The following CHD7 variants were observed in gnomAD, a reference collection of about 807,000 sequenced individuals.
CHD7 encodes chromodomain helicase DNA binding protein 7.
Under a neutral mutation model 307.3 loss-of-function variants are expected in CHD7, and 24 were observed. The ratio of observed to expected loss-of-function variants is 0.08; its 90% CI spans 0.06 to 0.11. The LOEUF (loss-of-function observed/expected upper bound fraction) is 0.11, where lower values mean the gene tolerates loss of function less well. Among genes scored for constraint, CHD7 ranks in the 10% least tolerant of loss-of-function variants. CHD7 has a pLI of 1.00. For missense variants in CHD7, 3,106 were observed against 3,727.1 expected, an observed-to-expected ratio of 0.83 and a Z score of 4.34; for synonymous variants, 1,363 against 1,349.9, an observed-to-expected ratio of 1.01 and a Z score of -0.21.
At chr8:60,811,525 T>C (rs980986913) in intron 7 of CHD7, among the ~76,000 whole-genome samples, 1 of 152,262 alleles carries the variant, frequency 6.6e-6, no homozygotes, top group Non-Finnish European at 1.5e-5. Context: ...TTGTTTCAGC[T>C]GTATAATATT....
intron 1 of CHD7, among the ~76,000 whole-genome samples, chr8:60,717,747 G>T (rs1461007550): frequency 6.6e-6 from 1 of 151,882 alleles, no homozygotes; most frequent in Non-Finnish European, 1.5e-5. Flanking sequence ...ACTGACAATT[G>T]TAGTCATCAT....
At chr8:60,721,429 AG>A (rs1807900871) in intron 1 of CHD7, among the ~76,000 whole-genome samples, 1 of 152,220 alleles carries the variant, frequency 6.6e-6, no homozygotes, top group South Asian at 2.1e-4. Context: ...TTGGACTTCC[AG>A]TCTCCAGAAC....
chr8:60,838,882 T>C (rs1231360338), intron 19 of CHD7, among the ~76,000 whole-genome samples: 1 of 152,254 alleles, frequency 6.6e-6, no homozygotes, highest in Non-Finnish European at 1.5e-5. Context: ...TCTAGCCATC[T>C]CAGTGAGGCC....
chr8:60,864,851 A>G (rs903752700), intron 37 of CHD7, 165 bp from the exon 38 acceptor site: 2 of 715,800 alleles, frequency 2.8e-6, no homozygotes, highest in Non-Finnish European at 2.3e-6. Flanking sequence ...ACATAATAAT[A>G]AAAACAAGTT....
chr8:60,820,235 A>G, intron 9 of CHD7, 145 bp downstream of exon 9: 1 of 466,910 alleles, frequency 2.1e-6, no homozygotes, highest in East Asian at 3.2e-5. Flanking sequence ...AAACTTAATG[A>G]TTTATTATTA....
chr8:60,814,214 C>CT (rs1236951230), intron 7 of CHD7, among the ~76,000 whole-genome samples: 1 of 152,170 alleles, frequency 6.6e-6, no homozygotes, highest in Non-Finnish European at 1.5e-5. Context: ...TCATCAGAGT[C>CT]TAGAAAGCAG....
intron 25 of CHD7, 118 bp from the exon 26 acceptor site, chr8:60,850,375 A>C: frequency 1.3e-5 from 16 of 1,251,532 alleles, no homozygotes; most frequent in Non-Finnish European, 1.7e-5. Context: ...TGGATTCAAC[A>C]GAGATGCTAA....
At position 60,860,885 on chromosome 8, in the gene CHD7, C is replaced by T; in HGVS notation, c.7609-19C>T. 6.3e-7 allele frequency: 1 copy of T among 1,579,772 alleles called. No homozygotes were observed. The highest frequency in any genetic ancestry group is 2.2e-5 in the East Asian group (1 of 44,584). The stretch of plus-strand genomic sequence containing the variant: ...TCTCTCTTCGTGTGAGAATTCATAC[C>T]ATTGTGAACTTTCTGCAGGAGGATG... On this transcript the variant is annotated intron_variant, in intron 34 of 37. Coordinates refer to ENST00000423902, the MANE Select transcript of CHD7 (RefSeq NM_017780.4).
chr8:60,794,250 G>A (rs1373971405), intron 3 of CHD7, among the ~76,000 whole-genome samples: 2 of 152,084 alleles, frequency 1.3e-5, no homozygotes, highest in Non-Finnish European at 2.9e-5. Flanking sequence ...TGAAGTTTAT[G>A]TCTTTTGTCT....
At chr8:60,692,740 C>T (rs1005286326) in intron 1 of CHD7, among the ~76,000 whole-genome samples, 10 of 152,154 alleles carry the variant, frequency 6.6e-5, no homozygotes, top group South Asian at 2.1e-4. Flanking sequence ...GGACCTTGGC[C>T]GAAGGCGTCA....
At chr8:60,717,903 C>T (rs1214737708) in intron 1 of CHD7, among the ~76,000 whole-genome samples, 1 of 152,146 alleles carries the variant, frequency 6.6e-6, no homozygotes, top group Non-Finnish European at 1.5e-5. Flanking sequence ...GTTACTGGTT[C>T]TTGTATTTGC....
In CHD7 at chr8:60,741,566, A is replaced by G. The variant is rs745661321; in HGVS notation, c.134A>G (p.Gln45Arg). The change falls in exon 2 of 38, where the codon CAA becomes CGA. Residue 45 changes from glutamine to arginine, a missense_variant. This residue lies in a region of CHD7 where 998 missense variants were observed against 1,004.5 expected (regional missense o/e 0.99). Transcript: ENST00000423902. Reference sequence around the variant, plus strand: ...ATGGGTCAGCAAATGCCAATAGACCAAGGCTTTGCCTCTTTACAGCCATCC... The same window carrying G: ...ATGGGTCAGCAAATGCCAATAGACCGAGGCTTTGCCTCTTTACAGCCATCC... ...NPMGQQMPID[Q>R]GFASLQPSLH... The G allele has an allele frequency of 3.1e-6, 5 of 1,613,684 alleles. No individual in the cohort carries two copies. In the South Asian group the frequency reaches 3.3e-5, roughly 11 times the overall value.
At chr8:60,697,603 G>C (rs1380959583) in intron 1 of CHD7, among the ~76,000 whole-genome samples, 2 of 152,068 alleles carry the variant, frequency 1.3e-5, no homozygotes. Flanking sequence ...GGTGTCAGTT[G>C]TAAGATGTAT....
chr8:60,708,245 C>G (rs751115141), intron 1 of CHD7, among the ~76,000 whole-genome samples: 1 of 152,198 alleles, frequency 6.6e-6, no homozygotes. Context: ...TATTCGAAAT[C>G]ACACCTGGCT....
intron 1 of CHD7, among the ~76,000 whole-genome samples, chr8:60,724,159 G>C (rs1369885828): frequency 6.6e-6 from 1 of 152,188 alleles, no homozygotes. Context: ...GTTCGTCGGG[G>C]GTTTGCTCCA....
intron 2 of CHD7, among the ~76,000 whole-genome samples, chr8:60,764,277 C>T (rs1321678826): frequency 6.6e-6 from 1 of 152,194 alleles, no homozygotes; most frequent in Non-Finnish European, 1.5e-5. Context: ...GTGTGAGCCA[C>T]CGTGCCTGGC....
intron 1 of CHD7, among the ~76,000 whole-genome samples, chr8:60,696,058 T>A (rs561809102): frequency 3.9e-5 from 6 of 152,358 alleles, no homozygotes; most frequent in African/African-American, 1.4e-4. Flanking sequence ...TGGTGAAATT[T>A]ATGCTGTAGT....
intron 3 of CHD7, among the ~76,000 whole-genome samples, chr8:60,783,774 G>C (rs567520047): frequency 5.2e-4 from 79 of 152,180 alleles, no homozygotes; most frequent in East Asian, 3.3e-3. Flanking sequence ...TGCCACACTG[G>C]GGGGGGCGGG....
In CHD7 at chr8:60,830,593, T is replaced by C; in HGVS notation, c.3778+16T>C. On this transcript the variant is annotated intron_variant, in intron 15 of 37. Coordinates refer to ENST00000423902, the MANE Select transcript of CHD7 (RefSeq NM_017780.4). Reference sequence around the variant, plus strand: ...CTTATCAATGGTAAGGCTGCCCTGCTCGCGAACTTGCTTAAGTGACGATTG... The same window carrying C: ...CTTATCAATGGTAAGGCTGCCCTGCCCGCGAACTTGCTTAAGTGACGATTG... The C allele has an allele frequency of 6.2e-7, 1 of 1,607,890 alleles. No individual in the cohort carries two copies. The highest frequency in any genetic ancestry group is 1.3e-5 in the African/African-American group (1 of 74,894).
Sources: allele counts gnomAD v4.1 joint callset (sites outside exome capture counted in the v4.1 genomes callset), GRCh38; gene constraint gnomAD v4.1.1; regional missense constraint gnomAD v4.1.1; transcripts MANE v1.5; gene names NCBI Gene and HGNC (gene_info 2026-07-23, HGNC 2026-07-21).